The following ITGBL1 variants were observed in gnomAD, a reference collection of about 807,000 sequenced individuals.
ITGBL1 encodes integrin beta-like protein 1.
In ITGBL1, 51 loss-of-function variants were observed where a neutral mutation model predicts 68.5. The ratio of observed to expected loss-of-function variants is 0.74; its 90% confidence interval spans 0.59 to 0.94. The LOEUF (loss-of-function observed/expected upper bound fraction) is 0.94. Among genes scored for constraint, ITGBL1 ranks in the 40% least tolerant of loss-of-function variants. The pLI is 0.00. For synonymous variants in ITGBL1, 209 were observed against 227.3 expected, an observed-to-expected ratio of 0.92 and a Z score of 0.72; for missense variants, 649 against 647.4, an observed-to-expected ratio of 1.00 and a Z score of -0.03.
intron 2 of ITGBL1, among the ~76,000 whole-genome samples, chr13:101,533,692 CAG>C (rs2049521365): frequency 6.6e-6 from 1 of 152,142 alleles, no homozygotes; most frequent in South Asian, 2.1e-4. Flanking sequence ...AACTTTATAA[CAG>C]AGAAGACTTT....
chr13:101,613,116 G>A (rs1478443629), intron 7 of ITGBL1, among the ~76,000 whole-genome samples: 1 of 152,106 alleles, frequency 6.6e-6, no homozygotes, highest in Non-Finnish European at 1.5e-5. Context: ...TATAAAAATG[G>A]CATTAGAACA....
intron 7 of ITGBL1, among the ~76,000 whole-genome samples, chr13:101,658,281 T>G (rs570544657): frequency 1.5e-4 from 23 of 152,306 alleles, no homozygotes; most frequent in African/African-American, 5.3e-4. Context: ...CTAAAATATT[T>G]GTTATAATTT....
chr13:101,513,591 C>T (rs1308730179), intron 2 of ITGBL1, among the ~76,000 whole-genome samples: 2 of 152,110 alleles, frequency 1.3e-5, no homozygotes, highest in Non-Finnish European at 2.9e-5. Flanking sequence ...AAATTATATA[C>T]TCCTTAAAAT....
intron 2 of ITGBL1, among the ~76,000 whole-genome samples, chr13:101,564,400 T>A (rs559545461): frequency 4.6e-5 from 7 of 151,968 alleles, no homozygotes; most frequent in Admixed American, 4.6e-4. Context: ...CTTCAAAAGA[T>A]ACTGTTAATA....
intron 9 of ITGBL1, among the ~76,000 whole-genome samples, chr13:101,710,200 A>T (rs1476582151): frequency 6.6e-6 from 1 of 152,184 alleles, no homozygotes; most frequent in African/African-American, 2.4e-5. Context: ...GGGAGTCCTT[A>T]AACTTAAAAG....
At chr13:101,553,571 T>G (rs1290452055) in intron 2 of ITGBL1, among the ~76,000 whole-genome samples, 1 of 152,106 alleles carries the variant, frequency 6.6e-6, no homozygotes, top group African/African-American at 2.4e-5. Context: ...ATTACAGAAA[T>G]TTTTTGTCAC....
intron 6 of ITGBL1, among the ~76,000 whole-genome samples, chr13:101,593,989 A>G (rs1003240123): frequency 5.3e-5 from 8 of 152,260 alleles, no homozygotes; most frequent in African/African-American, 1.9e-4. Flanking sequence ...AATGCAACCT[A>G]TATATGTATC....
chr13:101,671,200 C>T (rs1296266223), intron 7 of ITGBL1, among the ~76,000 whole-genome samples: 4 of 151,952 alleles, frequency 2.6e-5, no homozygotes, highest in Non-Finnish European at 5.9e-5. Context: ...GCGAAAATTT[C>T]CAGAACTCTG....
intron 2 of ITGBL1, among the ~76,000 whole-genome samples, chr13:101,537,381 A>C (rs2139175315): frequency 6.6e-6 from 1 of 152,218 alleles, no homozygotes; most frequent in East Asian, 1.9e-4. Flanking sequence ...ATATTAAAAT[A>C]ATTTTATATG....
chr13:101,612,255 A>G (rs144851563), intron 7 of ITGBL1, among the ~76,000 whole-genome samples: 1 of 152,322 alleles, frequency 6.6e-6, no homozygotes, highest in African/African-American at 2.4e-5. Flanking sequence ...TAAGCTGCTT[A>G]AGATTTGGAT....
At chr13:101,490,207 C>G (rs950165564) in intron 2 of ITGBL1, among the ~76,000 whole-genome samples, 8 of 152,048 alleles carry the variant, frequency 5.3e-5, no homozygotes, top group Non-Finnish European at 4.4e-5. Flanking sequence ...GAAGGAACAC[C>G]AAGAGCTTTC....
chr13:101,591,290 T>C (rs564580359), intron 6 of ITGBL1, among the ~76,000 whole-genome samples: 2 of 152,210 alleles, frequency 1.3e-5, no homozygotes, highest in African/African-American at 4.8e-5. Flanking sequence ...CATAAACCGT[T>C]ACAAAAATTC....
At chr13:101,485,487 GA>G (rs747915709) in intron 2 of ITGBL1, among the ~76,000 whole-genome samples, 2 of 152,152 alleles carry the variant, frequency 1.3e-5, no homozygotes, top group Non-Finnish European at 2.9e-5. Flanking sequence ...ACCTCAGTGA[GA>G]TACTACCTTA....
intron 2 of ITGBL1, among the ~76,000 whole-genome samples, chr13:101,555,399 T>C (rs2049988282): frequency 6.6e-6 from 1 of 152,212 alleles, no homozygotes; most frequent in Admixed American, 6.5e-5. Context: ...AAATATTTTT[T>C]TTTGTACTCC....
At chr13:101,693,494 G>A (rs1430227913) in intron 8 of ITGBL1, among the ~76,000 whole-genome samples, 1 of 152,116 alleles carries the variant, frequency 6.6e-6, no homozygotes, top group Non-Finnish European at 1.5e-5. Context: ...AGGTAGGCTT[G>A]TTACATATGT....
At chr13:101,489,006 T>A (rs2139055602) in intron 2 of ITGBL1, among the ~76,000 whole-genome samples, 1 of 152,130 alleles carries the variant, frequency 6.6e-6, no homozygotes, top group South Asian at 2.1e-4. Flanking sequence ...AGCTAGGAGG[T>A]GTGGTTATTT....
Position 101,579,278 on chromosome 13 carries a change from T to C in ITGBL1, c.587-9T>C, listed in dbSNP as rs767218124. 3 of 1,611,308 alleles carry C rather than the reference T, an allele frequency of 1.9e-6. No homozygotes were observed. The South Asian group carries it at 3.3e-5, about 18-fold the overall frequency. The stretch of plus-strand genomic sequence containing the variant: ...TTTCCTCACTGTATAAAATTCATTT[T>C]GGGTAAAGGCCATGGGAAGTGTTAC... On this transcript the variant is annotated splice_polypyrimidine_tract_variant and intron_variant, in intron 4 of 10. Coordinates refer to ENST00000376180, the MANE Select transcript of ITGBL1 (RefSeq NM_004791.3).
At position 101,525,631 on chromosome 13, in the gene ITGBL1, GA is replaced by G. The variant is rs368775328; in HGVS notation, c.317-42065del. Among the ~76,000 whole-genome samples, 74 of 151,838 alleles carry G rather than the reference GA, an allele frequency of 4.9e-4. 2 individuals are homozygous for G. In the South Asian group the frequency reaches 0.015, roughly 30 times the overall value. ...TAATAAATGCTAACTATTTTGAAGAGAAATGCATTACTCCCATAGAAAGAAC... is the reference window on the plus strand; with the variant it reads ...TAATAAATGCTAACTATTTTGAAGAGAATGCATTACTCCCATAGAAAGAAC... On this transcript the variant is annotated intron_variant, in intron 2 of 10. Coordinates refer to ENST00000376180, the MANE Select transcript of ITGBL1 (RefSeq NM_004791.3).
At chr13:101,703,650 T>C (rs1341881962) in intron 8 of ITGBL1, among the ~76,000 whole-genome samples, 1 of 152,096 alleles carries the variant, frequency 6.6e-6, no homozygotes, top group Non-Finnish European at 1.5e-5. Flanking sequence ...TCAACAAGAC[T>C]TGACAACAAG....
Sources: gnomAD v4.1 joint callset for allele counts (sites outside exome capture counted in the v4.1 genomes callset) on GRCh38, gnomAD v4.1.1 for gene constraint, MANE v1.5 for transcripts, NCBI Gene and HGNC (gene_info 2026-07-23, HGNC 2026-07-21) for gene names.